Variants in ASAH2 observed in about 807,000 individuals in gnomAD.
The protein encoded by ASAH2 is N-acylsphingosine amidohydrolase 2.
ASAH2 carries 58 observed loss-of-function variants against 82.9 expected under a neutral mutation model. The ratio of observed to expected loss-of-function variants is 0.70; its 90% CI spans 0.57 to 0.87. The LOEUF (loss-of-function observed/expected upper bound fraction) is 0.87, where lower values mean the gene tolerates loss of function less well. Ranked by LOEUF, ASAH2 falls within the 40% of genes least tolerant of loss-of-function variation. ASAH2 has a pLI of 0.00. For missense variants in ASAH2, 779 were observed against 834.0 expected (o/e 0.93, Z 0.81); for synonymous variants, 276 against 289.7 (o/e 0.95, Z 0.48).
chr10:50,223,927 TC>T (rs1845812543), intron 7 of ASAH2, among the ~76,000 whole-genome samples: 1 of 151,988 alleles, frequency 6.6e-6, no homozygotes, highest in Non-Finnish European at 1.5e-5. Context: ...TGGAACAGAT[TC>T]CCCCCTTAGA....
chr10:50,200,065 C>T (rs1400318906), intron 16 of ASAH2, among the ~76,000 whole-genome samples: 2 of 151,462 alleles, frequency 1.3e-5, no homozygotes, highest in African/African-American at 4.9e-5. Flanking sequence ...TTTTGATCCT[C>T]TCCCTCCTCC....
In ASAH2 at chr10:50,202,866, A is replaced by T; in HGVS notation, c.1724T>A (p.Val575Asp). The change falls in exon 16 of 21, where the codon GTC becomes GAC. Residue 575 changes from valine (V) to aspartate (D), a missense_variant. Transcript: ENST00000682911. Reference protein sequence around the residue: ...MTVVISGLCNVYTHYITTYEE... With the variant: ...MTVVISGLCNDYTHYITTYEE... Reference sequence around the variant, plus strand: ...ATAAGTGGTAATGTAATGTGTATAGACGTTGCATAGACCTGAAATAACAAC... The same window carrying T: ...ATAAGTGGTAATGTAATGTGTATAGTCGTTGCATAGACCTGAAATAACAAC... 1 of 1,612,028 alleles carries T rather than the reference A, an allele frequency of 6.2e-7. No homozygotes were observed. The highest frequency in any genetic ancestry group is 8.5e-7 in the Non-Finnish European group (1 of 1,178,466).
chr10:50,194,614 C>CA (rs1038559828), intron 18 of ASAH2, among the ~76,000 whole-genome samples: 6 of 149,670 alleles, frequency 4.0e-5, no homozygotes, highest in African/African-American at 9.8e-5. Flanking sequence ...GGATCTTCAG[C>CA]AAAAAAAACA....
intron 10 of ASAH2, among the ~76,000 whole-genome samples, 171 bp downstream of exon 10, chr10:50,212,801 T>C (rs1589332615): frequency 1.3e-5 from 2 of 152,164 alleles, no homozygotes; most frequent in African/African-American, 2.4e-5. Flanking sequence ...CAGACAGAGG[T>C]TCCCATGTGG....
Position 50,187,118 on chromosome 10 carries a change from TCACACACACACACACACACACA to T in ASAH2, c.*175_*196del, listed in dbSNP as rs1171385681. The T allele has an allele frequency of 1.9e-5, 3 of 154,348 alleles. No homozygotes were observed. Among genetic ancestry groups the T allele is most frequent in the Non-Finnish European group, 3.5e-5 (3 of 86,038 alleles). 9.6% of individuals were successfully genotyped at this position (154,348 alleles called of 1,614,324 possible). A position where few individuals can be genotyped will look rare whatever the true frequency, so the allele number is the denominator to read the frequency against. ...CTCTCTCTCTCTCTCTCTCTCTCTC[TCACACACACACACACACACACA>T]CACACACACACACACACACACACCC... On this transcript the variant is annotated 3_prime_UTR_variant, in exon 21 of 21. Coordinates refer to ENST00000682911, the MANE Select transcript of ASAH2 (RefSeq NM_019893.4).
intron 12 of ASAH2, among the ~76,000 whole-genome samples, chr10:50,206,665 T>C (rs990781545): frequency 0.69 from 105,362 of 151,666 alleles, 40,969 homozygotes; most frequent in Non-Finnish European, 0.88. Flanking sequence ...TAAGAATCTA[T>C]ACTCTATTCA....
rs1482158298 is a variant in ASAH2, at chr10:50,184,980, G to A, written c.*2335C>T. 2 of 151,552 alleles carry A rather than the reference G, an allele frequency of 1.3e-5. No homozygotes were observed. Among genetic ancestry groups the A allele is most frequent in the African/African-American group, 4.8e-5 (2 of 41,322 alleles). The allele number at this position is 151,552 out of a possible 1,614,324, so 9.4% of individuals were successfully genotyped here. Reference sequence around the variant, plus strand: ...AGATTATTCAGTGCTTTTCAAAGAAGTCAAAAAATCCTTAAAACCAGAGTA... The same window carrying A: ...AGATTATTCAGTGCTTTTCAAAGAAATCAAAAAATCCTTAAAACCAGAGTA... On this transcript the variant is annotated 3_prime_UTR_variant, in exon 21 of 21. Coordinates refer to ENST00000682911, the MANE Select transcript of ASAH2 (RefSeq NM_019893.4).
At chr10:50,209,088 T>C (rs1057342200) in intron 12 of ASAH2, among the ~76,000 whole-genome samples, 5,576 of 152,206 alleles carry the variant, frequency 0.037, 182 homozygotes, top group Middle Eastern at 0.15. Flanking sequence ...AATAGCCATA[T>C]GCAAAAGAAT....
At chr10:50,206,639 T>C (rs1845306845) in intron 12 of ASAH2, among the ~76,000 whole-genome samples, 1 of 151,228 alleles carries the variant, frequency 6.6e-6, no homozygotes, top group South Asian at 2.1e-4. Flanking sequence ...GTTTTGTAAC[T>C]ATAAAACTTA....
chr10:50,245,493 C>T, intron 2 of ASAH2, 39 bp from the exon 3 acceptor site: 2 of 1,551,266 alleles, frequency 1.3e-6, no homozygotes, highest in African/African-American at 1.4e-5. Context: ...AACATTTCAG[C>T]CCTCTTATTT....
At position 50,243,211 on chromosome 10, in the gene ASAH2, G is replaced by T; in HGVS notation, c.501C>A (p.Leu167=). 1 of 1,613,950 alleles carries T rather than the reference G, an allele frequency of 6.2e-7. No homozygotes were observed. Among genetic ancestry groups the T allele is most frequent in the Non-Finnish European group, 8.5e-7 (1 of 1,179,936 alleles). Residue 167 remains leucine, a synonymous_variant, in exon 4 of 21, where the codon CTC becomes CTA. Transcript: ENST00000682911. The part of the protein sequence containing the change: ...SIDIGMVSQR[L]RLEVLNRLQS... ...CTCTCAAATCACTTACCTCCAGCCT[G>T]AGCCTTTGTGATACCATGCCTATGT...
chr10:50,203,475 C>T (rs1014204424), intron 15 of ASAH2, among the ~76,000 whole-genome samples, 165 bp downstream of exon 15: 4 of 151,778 alleles, frequency 2.6e-5, no homozygotes, highest in Non-Finnish European at 4.4e-5. Context: ...TGATAATGCC[C>T]TTATGTTTTT....
At chr10:50,250,419 C>G (rs1846584613) in intron 1 of ASAH2, among the ~76,000 whole-genome samples, 1 of 152,186 alleles carries the variant, frequency 6.6e-6, no homozygotes, top group African/African-American at 2.4e-5. Flanking sequence ...CCCTTAACCA[C>G]CAGCAGCAGG....
intron 4 of ASAH2, among the ~76,000 whole-genome samples, chr10:50,241,293 TGGG>T (rs1846286208): frequency 6.6e-6 from 1 of 152,222 alleles, no homozygotes; most frequent in Non-Finnish European, 1.5e-5. Flanking sequence ...CACTATAGTT[TGGG>T]GTAATTTCCT....
At chr10:50,249,659 A>T (rs1846565393) in intron 1 of ASAH2, among the ~76,000 whole-genome samples, 1 of 152,230 alleles carries the variant, frequency 6.6e-6, no homozygotes, top group African/African-American at 2.4e-5. Context: ...TAAAAATAAG[A>T]TGAGATGAAG....
chr10:50,214,620 G>T, intron 9 of ASAH2, 123 bp downstream of exon 9: 3 of 1,196,844 alleles, frequency 2.5e-6, no homozygotes, highest in South Asian at 1.3e-5. Flanking sequence ...AAGAGCAGAT[G>T]CTAGGGAGAA....
At position 50,234,509 on chromosome 10, in the gene ASAH2, A is replaced by C; in HGVS notation, c.731T>G (p.Phe244Cys). Residue 244 changes from phenylalanine (F) to cysteine (C), a missense_variant, in exon 6 of 21, where the codon TTC (phenylalanine) becomes TGC (cysteine). This residue lies in a region of ASAH2 where 759 missense variants were observed against 755.2 expected (regional missense o/e 1.00). Transcript: ENST00000682911. ...AHTNMKPGKI[F>C]INKGNVDGVQ... ...ACCATCCACATTTCCTTTATTGATG[A>C]AGATTTTGCCTGGTTTCATATTTGT... 6.2e-7 allele frequency: 1 copy of C among 1,613,010 alleles called. No individual in the cohort carries two copies. The highest frequency in any genetic ancestry group is 1.1e-5 in the South Asian group (1 of 91,058).
rs1846426570 is a variant in ASAH2, at chr10:50,245,411, G to A, written c.171C>T (p.Ala57=). Residue 57 remains alanine, a synonymous_variant, in exon 3 of 21, where the codon GCC becomes GCT. Coordinates refer to ENST00000682911, the MANE Select transcript of ASAH2 (RefSeq NM_019893.4). ...GTTGGGCAGCTGTGGAGCCCTGGGT[G>A]GCTGGAGGGCTTTGGGTGGTTGAAA... ...HFFSTTQSPP[A]TQGSTAAQRS... The A allele has an allele frequency of 6.2e-7, 1 of 1,613,784 alleles. No homozygotes were observed. The highest frequency in any genetic ancestry group is 8.5e-7 in the Non-Finnish European group (1 of 1,179,972).
At chr10:50,227,876 C>G (rs1845930400) in intron 7 of ASAH2, among the ~76,000 whole-genome samples, 1 of 152,130 alleles carries the variant, frequency 6.6e-6, no homozygotes, top group Non-Finnish European at 1.5e-5. Flanking sequence ...AGGGGTGAAC[C>G]TGACCCAGGA....
Sources: gnomAD v4.1 joint callset for allele counts (sites outside exome capture counted in the v4.1 genomes callset) on GRCh38, gnomAD v4.1.1 for gene constraint, gnomAD v4.1.1 regional missense constraint, MANE v1.5 for transcripts, NCBI Gene and HGNC (gene_info 2026-07-23, HGNC 2026-07-21) for gene names.